RGS6: variants seen among roughly 807,000 people sequenced by gnomAD.
The protein encoded by RGS6 is regulator of G protein signaling 6.
RGS6 carries 30 observed loss-of-function variants against 78.5 expected under a neutral mutation model. The ratio of observed to expected loss-of-function variants is 0.38; its 90% CI spans 0.29 to 0.52. The LOEUF (loss-of-function observed/expected upper bound fraction) is 0.52. Ranked by LOEUF, RGS6 falls within the 20% of genes least tolerant of loss-of-function variation. The pLI, the probability that RGS6 is intolerant of heterozygous loss-of-function variation, is 0.85. For synonymous variants in RGS6, 206 were observed against 206.0 expected (o/e 1.00, Z 0.00); for missense variants, 495 against 609.7 (o/e 0.81, Z 1.98).
chr14:72,405,228 T>A (rs10134133), intron 3 of RGS6, among the ~76,000 whole-genome samples: 45,133 of 151,958 alleles, frequency 0.3, 7,138 homozygotes, highest in African/African-American at 0.37. Flanking sequence ...TTCCGAATCC[T>A]CTCCTTTGTG....
chr14:71,961,839 CATTCTGTTTTTCTCT>C (rs928473646), intron 1 of RGS6, among the ~76,000 whole-genome samples: 7 of 152,226 alleles, frequency 4.6e-5, no homozygotes, highest in African/African-American at 1.4e-4. Flanking sequence ...CAATGAAGAA[CATTCTGTTTTTCTCT>C]ACCACTAAAT....
chr14:72,089,485 G>A (rs2095185609), intron 2 of RGS6, among the ~76,000 whole-genome samples: 1 of 152,150 alleles, frequency 6.6e-6, no homozygotes, highest in African/African-American at 2.4e-5. Flanking sequence ...ATCAAAACTG[G>A]ATTAATTAGT....
intron 2 of RGS6, among the ~76,000 whole-genome samples, chr14:72,348,937 T>C (rs1051793450): frequency 1.1e-4 from 16 of 151,866 alleles, no homozygotes; most frequent in Non-Finnish European, 2.1e-4. Flanking sequence ...GAGGCCAAGG[T>C]GGGCAGATCA....
upstream of RGS6, among the ~76,000 whole-genome samples, chr14:71,928,560 C>A (rs1285408647): frequency 6.6e-6 from 1 of 152,180 alleles, no homozygotes; most frequent in African/African-American, 2.4e-5. Context: ...CTTGGCCTGT[C>A]AATGAAGTTA....
intron 8 of RGS6, among the ~76,000 whole-genome samples, chr14:72,471,292 C>T (rs899117690): frequency 6.6e-6 from 1 of 152,108 alleles, no homozygotes; most frequent in African/African-American, 2.4e-5. Context: ...CTCTATGTTC[C>T]CCACCCCACA....
chr14:71,879,446 T>C, the RGS6 span, among the ~76,000 whole-genome samples: 3,168 of 152,288 alleles, frequency 0.021, 113 homozygotes, highest in African/African-American at 0.072. Flanking sequence ...TGACAGGTGC[T>C]GATATGGTTT....
chr14:72,517,222 G>T (rs150780306), intron 14 of RGS6, among the ~76,000 whole-genome samples: 1 of 151,674 alleles, frequency 6.6e-6, no homozygotes, highest in South Asian at 2.1e-4. Context: ...TTTCCACCAC[G>T]TCATGTTTCA....
chr14:71,965,326 C>CA (rs1214472189), intron 2 of RGS6, among the ~76,000 whole-genome samples: 1 of 152,150 alleles, frequency 6.6e-6, no homozygotes, highest in Non-Finnish European at 1.5e-5. Flanking sequence ...TGTTAATTTC[C>CA]AAAATAGATG....
rs150308301 is a variant in RGS6, at chr14:72,100,543, G to A, written c.84+135668G>A. Among the ~76,000 whole-genome samples, 276 of 152,228 alleles carry A rather than the reference G, an allele frequency of 1.8e-3. 2 individuals are homozygous for A. Among genetic ancestry groups the A allele is most frequent in the African/African-American group, 6.2e-3 (259 of 41,546 alleles). On this transcript the variant is annotated intron_variant, in intron 2 of 17. Coordinates refer to ENST00000553525, the MANE Select transcript of RGS6 (RefSeq NM_001204424.2). ...GAAAGACTGTAAGAAGGCTAAGAAG[G>A]CATCGTGCGGACAGGGGAGTGAAGT...
intron 2 of RGS6, among the ~76,000 whole-genome samples, chr14:72,079,690 G>T (rs913547082): frequency 6.6e-5 from 10 of 151,938 alleles, no homozygotes; most frequent in African/African-American, 1.9e-4. Flanking sequence ...CATCTCCTCA[G>T]TCCCCTTACC....
intron 1 of RGS6, among the ~76,000 whole-genome samples, chr14:71,956,384 GTA>G (rs1308663767): frequency 1.1e-4 from 17 of 150,834 alleles, no homozygotes; most frequent in Admixed American, 9.9e-4. Flanking sequence ...ATATACAATA[GTA>G]TATATATAAC....
At chr14:72,469,076 C>T (rs1426937932) in intron 7 of RGS6, among the ~76,000 whole-genome samples, 1 of 152,140 alleles carries the variant, frequency 6.6e-6, no homozygotes, top group Non-Finnish European at 1.5e-5. Context: ...CCTCATGTTC[C>T]ATTAGGTAAC....
At chr14:72,097,807 A>G (rs146015264) in intron 2 of RGS6, among the ~76,000 whole-genome samples, 57 of 152,212 alleles carry the variant, frequency 3.7e-4, no homozygotes, top group African/African-American at 1.3e-3. Context: ...TCCTGTGCCT[A>G]TCACTTTGTC....
chr14:72,513,214 G>T (rs2096900122), intron 14 of RGS6, among the ~76,000 whole-genome samples: 2 of 152,190 alleles, frequency 1.3e-5, no homozygotes, highest in Admixed American at 1.3e-4. Context: ...AACCCACGGG[G>T]TGCCAGTTAA....
At chr14:72,231,736 C>T (rs545274304) in intron 2 of RGS6, among the ~76,000 whole-genome samples, 6 of 152,170 alleles carry the variant, frequency 3.9e-5, no homozygotes, top group South Asian at 2.1e-4. Context: ...GAAGGGAGAG[C>T]GTGGGCTATG....
At chr14:71,935,819 T>G (rs1056986833) in intron 1 of RGS6, among the ~76,000 whole-genome samples, 1 of 151,834 alleles carries the variant, frequency 6.6e-6, no homozygotes, top group African/African-American at 2.4e-5. Flanking sequence ...ATGAGAATGA[T>G]CTTTGAAGAG....
chr14:72,052,251 G>C (rs1959270049), intron 2 of RGS6, among the ~76,000 whole-genome samples: 1 of 152,144 alleles, frequency 6.6e-6, no homozygotes. Context: ...ATGGACAACA[G>C]ATATTTTCAG....
At chr14:71,930,192 A>G (rs1352791755), upstream of RGS6, among the ~76,000 whole-genome samples, 1 of 152,146 alleles carries the variant, frequency 6.6e-6, no homozygotes, top group East Asian at 1.9e-4. Flanking sequence ...ATCTCTTTGG[A>G]TCCAAAATCA....
intron 2 of RGS6, among the ~76,000 whole-genome samples, chr14:72,268,223 C>T (rs557493451): frequency 4.1e-4 from 62 of 152,302 alleles, no homozygotes; most frequent in African/African-American, 1.1e-3. Context: ...TGGAGCATGG[C>T]GGGTCCCTCA....
Sources: allele counts gnomAD v4.1 joint callset (sites outside exome capture counted in the v4.1 genomes callset), GRCh38; gene constraint gnomAD v4.1.1; transcripts MANE v1.5; gene names NCBI Gene and HGNC (gene_info 2026-07-23, HGNC 2026-07-21).